The following WDFY3 variants were observed in gnomAD, a reference collection of about 807,000 sequenced individuals.
WDFY3 encodes WD repeat and FYVE domain-containing protein 3.
Under a neutral mutation model 409.6 loss-of-function variants are expected in WDFY3, and 66 were observed. The observed-to-expected ratio is 0.16, with a 90% CI of 0.13 to 0.20. The LOEUF (loss-of-function observed/expected upper bound fraction) is 0.20, where lower values mean the gene tolerates loss of function less well. Among genes scored for constraint, WDFY3 ranks in the 10% least tolerant of loss-of-function variants. WDFY3 has a pLI of 1.00. For missense variants in WDFY3, 3,031 were observed against 4,298.1 expected (o/e 0.71, Z 8.24); for synonymous variants, 1,521 against 1,537.1 (o/e 0.99, Z 0.25).
intron 30 of WDFY3, among the ~76,000 whole-genome samples, chr4:84,771,417 T>C (rs1203923293): frequency 6.6e-6 from 1 of 152,214 alleles, no homozygotes; most frequent in Non-Finnish European, 1.5e-5. Context: ...GGATTACAGG[T>C]GTAAGCCACC....
intron 13 of WDFY3, among the ~76,000 whole-genome samples, chr4:84,812,562 C>T (rs376805402): frequency 5.3e-5 from 8 of 152,002 alleles, no homozygotes; most frequent in Admixed American, 1.3e-4. Flanking sequence ...GAGAAGTGCC[C>T]GGCATATAAG....
At chr4:84,820,687 T>C (rs1436384999) in intron 11 of WDFY3, among the ~76,000 whole-genome samples, 1 of 152,140 alleles carries the variant, frequency 6.6e-6, no homozygotes, top group Non-Finnish European at 1.5e-5. Flanking sequence ...ATTTGCTCTG[T>C]ACAATAAAAA....
chr4:84,690,775 G>C, intron 60 of WDFY3, 111 bp from the exon 61 acceptor site: 1 of 1,317,310 alleles, frequency 7.6e-7, no homozygotes, highest in Non-Finnish European at 1.0e-6. Context: ...AGCAAATAGC[G>C]GCTCATGTTC....
intron 2 of WDFY3, among the ~76,000 whole-genome samples, chr4:84,918,897 C>T (rs1768890783): frequency 6.6e-6 from 1 of 150,482 alleles, no homozygotes; most frequent in African/African-American, 2.4e-5. Flanking sequence ...TAGTTTGTTC[C>T]CTGATAGGGC....
chr4:84,760,299 C>T (rs1742316000), intron 32 of WDFY3, among the ~76,000 whole-genome samples: 1 of 152,070 alleles, frequency 6.6e-6, no homozygotes, highest in African/African-American at 2.4e-5. Flanking sequence ...GCTTTGGTAT[C>T]AGGATGATGC....
intron 2 of WDFY3, among the ~76,000 whole-genome samples, chr4:84,929,992 A>G (rs990254430): frequency 3.9e-5 from 6 of 152,052 alleles, no homozygotes; most frequent in South Asian, 2.1e-4. Flanking sequence ...ATGGCCACCT[A>G]AAAGCCAAGA....
intron 48 of WDFY3, among the ~76,000 whole-genome samples, chr4:84,717,344 A>G (rs139381048): frequency 8.1e-4 from 124 of 152,298 alleles, no homozygotes; most frequent in African/African-American, 3.0e-3. Context: ...AAAAAAATCA[A>G]CTTTTAGGTA....
In WDFY3 at chr4:84,912,248, G is replaced by A. The variant is rs117915396; in HGVS notation, c.-131-15238C>T. ...AAGGAAAAGTTGAATTGCTTGATAC[G>A]TACCTTAGATTGAGGTCTGCAGGTA... On this transcript the variant is annotated intron_variant, in intron 2 of 67. Coordinates refer to ENST00000295888, the MANE Select transcript of WDFY3 (RefSeq NM_014991.6). Among the ~76,000 whole-genome samples, 9 of 152,246 alleles carry A rather than the reference G, an allele frequency of 5.9e-5. No individual in the cohort carries two copies. In the East Asian group the frequency reaches 9.6e-4, roughly 16 times the overall value.
intron 34 of WDFY3, among the ~76,000 whole-genome samples, chr4:84,755,052 A>T (rs1336685637): frequency 6.6e-6 from 1 of 152,192 alleles, no homozygotes; most frequent in Non-Finnish European, 1.5e-5. Flanking sequence ...CAGAGGTGAG[A>T]TTTTAACCCA....
At chr4:84,865,915 C>T (rs1220446090) in intron 3 of WDFY3, among the ~76,000 whole-genome samples, 1 of 151,964 alleles carries the variant, frequency 6.6e-6, no homozygotes, top group Non-Finnish European at 1.5e-5. Flanking sequence ...ACAAAAAATA[C>T]AAAAATTGGC....
At chr4:84,889,797 G>A (rs1764697610) in intron 3 of WDFY3, among the ~76,000 whole-genome samples, 1 of 152,072 alleles carries the variant, frequency 6.6e-6, no homozygotes, top group Non-Finnish European at 1.5e-5. Context: ...CACATGGAAG[G>A]CAATCAATGT....
Position 84,692,902 on chromosome 4 carries a change from G to C in WDFY3, c.9032C>G (p.Ser3011Cys). The C allele has an allele frequency of 6.2e-7, 1 of 1,608,444 alleles. No homozygotes were observed. The highest frequency in any genetic ancestry group is 1.7e-4 in the Middle Eastern group (1 of 6,054). The change falls in exon 59 of 68, where the codon TCT (serine) becomes TGT (cysteine). Residue 3011 changes from serine (S) to cysteine (C), a missense_variant. By Grantham distance (112) the Ser-to-Cys change is moderately radical. Around this residue, in one of 16 missense-constraint regions of WDFY3, gnomAD observed 152 missense variants for 193.5 expected, o/e 0.79. Coordinates refer to ENST00000295888, the MANE Select transcript of WDFY3 (RefSeq NM_014991.6). ...FFHHLDNLRP[S>C]LTPVKELKEP... ...TATTTTACCTTTTACAGGTGTTAGA[G>C]AAGGCCTCAAGTTGTCTAGATGATG...
intron 21 of WDFY3, among the ~76,000 whole-genome samples, chr4:84,794,204 C>A (rs1748988164): frequency 6.6e-6 from 1 of 152,118 alleles, no homozygotes; most frequent in South Asian, 2.1e-4. Context: ...ATTAATTAAG[C>A]AGAATTCACA....
In WDFY3 at chr4:84,817,466, C is replaced by T; in HGVS notation, c.1813G>A (p.Asp605Asn). 6.2e-7 allele frequency: 1 copy of T among 1,613,814 alleles called. No individual in the cohort carries two copies. Among genetic ancestry groups the T allele is most frequent in the Non-Finnish European group, 8.5e-7 (1 of 1,179,798 alleles). Reference sequence around the variant, plus strand: ...ATTAGCCCCAGGAGAGTGCCCATGTCATCGTCCCCATTTGGGGAGAGCACC... The same window carrying T: ...ATTAGCCCCAGGAGAGTGCCCATGTTATCGTCCCCATTTGGGGAGAGCACC... ...QLVLSPNGDDDMGTLLGLMHS... is the reference protein window; with the variant it reads ...QLVLSPNGDDNMGTLLGLMHS... Residue 605 changes from aspartate (D) to asparagine (N), a missense_variant, in exon 13 of 68, where the codon GAC becomes AAC. Coordinates refer to ENST00000295888, the MANE Select transcript of WDFY3 (RefSeq NM_014991.6).
At chr4:84,855,672 A>G (rs1759662331) in intron 4 of WDFY3, among the ~76,000 whole-genome samples, 1 of 152,228 alleles carries the variant, frequency 6.6e-6, no homozygotes, top group Admixed American at 6.5e-5. Context: ...ATTAAGTCAG[A>G]CTATGGACCA....
chr4:84,742,020 T>A, intron 37 of WDFY3, 99 bp from the exon 38 acceptor site: 1 of 1,155,454 alleles, frequency 8.7e-7, no homozygotes, highest in South Asian at 2.0e-5. Context: ...AATAAGTGTA[T>A]CTACAACAGG....
chr4:84,832,038 T>C (rs1446255618), intron 7 of WDFY3, among the ~76,000 whole-genome samples: 1 of 152,192 alleles, frequency 6.6e-6, no homozygotes, highest in Non-Finnish European at 1.5e-5. Context: ...ATAGCTGCAC[T>C]GCCATGTTTA....
chr4:84,931,830 A>G (rs956951949), intron 2 of WDFY3, among the ~76,000 whole-genome samples: 9 of 152,090 alleles, frequency 5.9e-5, no homozygotes, highest in African/African-American at 2.2e-4. Flanking sequence ...TAGCCACAGT[A>G]CTCTCAAGGG....
intron 7 of WDFY3, among the ~76,000 whole-genome samples, chr4:84,834,278 T>C (rs1756226371): frequency 6.6e-6 from 1 of 152,242 alleles, no homozygotes; most frequent in Non-Finnish European, 1.5e-5. Context: ...GGTTCATCTT[T>C]ATAGGCAGAA....
Sources: allele counts gnomAD v4.1 joint callset (sites outside exome capture counted in the v4.1 genomes callset), GRCh38; gene constraint gnomAD v4.1.1; regional missense constraint gnomAD v4.1.1; transcripts MANE v1.5; gene names NCBI Gene and HGNC (gene_info 2026-07-23, HGNC 2026-07-21).